Variants in FBXO46 observed in about 807,000 individuals in gnomAD.
The protein encoded by FBXO46 is F-box protein 46.
FBXO46 carries 13 observed loss-of-function variants against 30.7 expected under a neutral mutation model. The ratio of observed to expected loss-of-function variants is 0.42; its 90% CI spans 0.28 to 0.67. The LOEUF (loss-of-function observed/expected upper bound fraction) is 0.67, where lower values mean the gene tolerates loss of function less well. Ranked by LOEUF, FBXO46 falls within the 30% of genes least tolerant of loss-of-function variation. The pLI is 0.21. For synonymous variants in FBXO46, 467 were observed against 385.8 expected, an observed-to-expected ratio of 1.21 and a Z score of -2.47; for missense variants, 754 against 871.5, an observed-to-expected ratio of 0.87 and a Z score of 1.70.
chr19:45,718,143 G>A (rs980452755), intron 1 of FBXO46, among the ~76,000 whole-genome samples: 3 of 152,008 alleles, frequency 2.0e-5, no homozygotes, highest in Non-Finnish European at 4.4e-5. Context: ...CCACTCCTCC[G>A]CCCCGCAGGC....
At chr19:45,731,858 C>T (rs548378985), upstream of FBXO46, among the ~76,000 whole-genome samples, 1 of 151,470 alleles carries the variant, frequency 6.6e-6, no homozygotes, top group East Asian at 2.0e-4. Flanking sequence ...TGGCTCACGC[C>T]TGTAGTCACA....
chr19:45,711,453 A>C lies in FBXO46; in HGVS notation c.*231T>G, dbSNP rs1291615585. 2.9e-5 allele frequency: 20 copies of C among 683,072 alleles called. No individual in the cohort carries two copies. Among genetic ancestry groups the C allele is most frequent in the Admixed American group, 1.7e-4 (8 of 47,226 alleles). The allele number at this position is 683,072 out of a possible 1,614,324, so 42.3% of individuals were successfully genotyped here. On this transcript the variant is annotated 3_prime_UTR_variant, in exon 2 of 2. Coordinates refer to ENST00000317683, the MANE Select transcript of FBXO46 (RefSeq NM_001080469.2). ...AAGTGAGATGCTGATAAAAAAAAAA[A>C]AAACACCCTTCTCAGAGGGTCCACG...
chr19:45,711,939 C>G lies in FBXO46; in HGVS notation c.1557G>C (p.Trp519Cys). The G allele has an allele frequency of 6.2e-7, 1 of 1,613,334 alleles. No homozygotes were observed. The highest frequency in any genetic ancestry group is 8.5e-7 in the Non-Finnish European group (1 of 1,179,804). Residue 519 changes from tryptophan to cysteine, a missense_variant, in exon 2 of 2, where the codon TGG becomes TGC. Trp to Cys is a radical substitution (Grantham distance 215, BLOSUM62 -2). Transcript: ENST00000317683. The stretch of plus-strand genomic sequence containing the variant: ...CATCGCGGTAGAGCGGGTCTCGGCT[C>G]CAGCGCGAGTCTGTGGCCCGCACGC... ...AFGVRATDSR[W>C]SRDPLYRDDP...
chr19:45,731,853 C>T (rs1330674842), upstream of FBXO46, among the ~76,000 whole-genome samples: 5 of 151,440 alleles, frequency 3.3e-5, no homozygotes, highest in Non-Finnish European at 7.4e-5. Context: ...CGCGGTGGCT[C>T]ACGCCTGTAG....
At chr19:45,722,697 G>A (rs1323841745) in intron 1 of FBXO46, among the ~76,000 whole-genome samples, 1 of 151,698 alleles carries the variant, frequency 6.6e-6, no homozygotes, top group African/African-American at 2.4e-5. Flanking sequence ...GGGAGGCGGA[G>A]CTTGCAGTGA....
At chr19:45,715,190 A>G (rs778517610) in intron 1 of FBXO46, 4 of 152,202 alleles carry the variant, frequency 2.6e-5, no homozygotes, top group Non-Finnish European at 2.9e-5. Flanking sequence ...CCTACTAAGT[A>G]ACATATGCCT....
intron 1 of FBXO46, among the ~76,000 whole-genome samples, chr19:45,720,156 C>G (rs899458543): frequency 2.0e-5 from 3 of 152,074 alleles, no homozygotes; most frequent in Middle Eastern, 3.4e-3. Flanking sequence ...CGGAGTCTTG[C>G]TCTGTTGCCC....
chr19:45,724,792 C>T (rs1968216784), intron 1 of FBXO46, among the ~76,000 whole-genome samples: 1 of 152,116 alleles, frequency 6.6e-6, no homozygotes, highest in Admixed American at 6.6e-5. Flanking sequence ...GTAGCTGGGA[C>T]TACAAGCACA....
At chr19:45,714,113 T>TAC (rs1447607548) in intron 1 of FBXO46, among the ~76,000 whole-genome samples, 1 of 151,988 alleles carries the variant, frequency 6.6e-6, no homozygotes, top group Non-Finnish European at 1.5e-5. Flanking sequence ...CCATAGGTCC[T>TAC]ACCCCACTGT....
At position 45,711,656 on chromosome 19, in the gene FBXO46, G is replaced by C. The variant is rs1045304195; in HGVS notation, c.*28C>G. ...GGGGGAGAGGGGAGGGGTGGGCGTGGTGGGCTCTCCCCTCCCCTCCCCCGG... is the reference window on the plus strand; with the variant it reads ...GGGGGAGAGGGGAGGGGTGGGCGTGCTGGGCTCTCCCCTCCCCTCCCCCGG... On this transcript the variant is annotated 3_prime_UTR_variant, in exon 2 of 2. Transcript: ENST00000317683. 1 of 1,500,458 alleles carries C rather than the reference G, an allele frequency of 6.7e-7. No homozygotes were observed. The highest frequency in any genetic ancestry group is 1.4e-5 in the African/African-American group (1 of 72,236). The allele number at this position is 1,500,458 out of a possible 1,614,324, so 92.9% of individuals were successfully genotyped here. A position where few individuals can be genotyped will look rare whatever the true frequency, so the allele number is the denominator to read the frequency against.
intron 1 of FBXO46, chr19:45,717,468 G>A (rs1724252679): frequency 6.6e-6 from 1 of 152,322 alleles, no homozygotes; most frequent in Non-Finnish European, 1.5e-5. Flanking sequence ...GCCCATATAA[G>A]GCAGGCCTTG....
Position 45,720,132 on chromosome 19 carries a change from T to C in FBXO46, c.-78-6559A>G, listed in dbSNP as rs142544272. On this transcript the variant is annotated intron_variant, in intron 1 of 1. Transcript: ENST00000317683. ...CCATCTCAGCTGCCTTCTTTTTTGTTTTTTTTTTTAAGACGGAGTCTTGCT... is the reference window on the plus strand; with the variant it reads ...CCATCTCAGCTGCCTTCTTTTTTGTCTTTTTTTTTAAGACGGAGTCTTGCT... 2.0e-3 allele frequency among the ~76,000 whole-genome samples: 306 copies of C among 150,960 alleles called. 3 individuals carry two copies. The highest frequency in any genetic ancestry group is 7.2e-3 in the African/African-American group (296 of 41,224).
intron 1 of FBXO46, chr19:45,714,344 A>G (rs1968055154): frequency 6.6e-6 from 1 of 152,104 alleles, no homozygotes. Flanking sequence ...CTGAGGTCAG[A>G]TTCAGACAAG....
chr19:45,732,776 A>T (rs191319591), upstream of FBXO46, among the ~76,000 whole-genome samples: 5 of 151,730 alleles, frequency 3.3e-5, no homozygotes, highest in Admixed American at 3.3e-4. Flanking sequence ...TTTTTAGCCG[A>T]GACGGGGTTT....
In FBXO46 at chr19:45,712,831, C is replaced by T. The variant is rs750535117; in HGVS notation, c.665G>A (p.Gly222Glu). The T allele has an allele frequency of 4.3e-6, 7 of 1,612,994 alleles. No homozygotes were observed. The highest frequency in any genetic ancestry group is 5.9e-6 in the Non-Finnish European group (7 of 1,179,636). The change falls in exon 2 of 2, where the codon GGG becomes GAG. Residue 222 changes from glycine to glutamate, a missense_variant. Around this residue, in one of 5 missense-constraint regions of FBXO46, gnomAD observed 454 missense variants for 426.5 expected, o/e 1.06. Coordinates refer to ENST00000317683, the MANE Select transcript of FBXO46 (RefSeq NM_001080469.2). The surrounding 1 kb of genome is among the most constrained non-coding windows in gnomAD (Gnocchi z 8.8). Reference protein sequence around the residue: ...GVGSERRSGGGDCSRVAEAVA... With the variant: ...GVGSERRSGGEDCSRVAEAVA... ...GGCCTCGGCTACACGGCTGCAGTCC[C>T]CACCACCGGACCGCCGTTCAGATCC... is the stretch of plus-strand genomic sequence containing the variant.
chr19:45,722,192 G>C (rs1331146342), intron 1 of FBXO46, among the ~76,000 whole-genome samples: 1 of 152,102 alleles, frequency 6.6e-6, no homozygotes, highest in Non-Finnish European at 1.5e-5. Flanking sequence ...CCCATGGCTT[G>C]TTGGCCTTAG....
Position 45,711,552 on chromosome 19 carries a change from A to C in FBXO46, c.*132T>G. The stretch of plus-strand genomic sequence containing the variant: ...TCCTGGGTCACCCCTGCTGAACCCC[A>C]GCTCAGTTCCGGTGAGGGATCAATG... On this transcript the variant is annotated 3_prime_UTR_variant, in exon 2 of 2. Transcript: ENST00000317683. 1.3e-6 allele frequency: 1 copy of C among 770,230 alleles called. No homozygotes were observed. The highest frequency in any genetic ancestry group is 2.2e-6 in the Non-Finnish European group (1 of 447,580). 47.7% of individuals were successfully genotyped at this position (770,230 alleles called of 1,614,324 possible).
At chr19:45,728,393 C>T (rs1003344500) in intron 1 of FBXO46, among the ~76,000 whole-genome samples, 3 of 152,198 alleles carry the variant, frequency 2.0e-5, no homozygotes, top group Non-Finnish European at 4.4e-5. Flanking sequence ...CATTCAAAAA[C>T]AACAACTCAC....
chr19:45,712,472 C>A lies in FBXO46; in HGVS notation c.1024G>T (p.Ala342Ser), dbSNP rs774314849. 8.7e-6 allele frequency: 14 copies of A among 1,607,378 alleles called. No homozygotes were observed. The highest frequency in any genetic ancestry group is 1.1e-5 in the Non-Finnish European group (13 of 1,176,958). The change falls in exon 2 of 2, where the codon GCC becomes TCC. Residue 342 changes from alanine (A) to serine (S), a missense_variant. Physicochemically the swap from Ala to Ser is moderately conservative, Grantham distance 99. This residue lies in a region of FBXO46 where 454 missense variants were observed against 426.5 expected (regional missense o/e 1.06). Transcript: ENST00000317683. The surrounding 1 kb of genome is among the most constrained non-coding windows in gnomAD (Gnocchi z 8.8). ...EASEGDSPAPARPEDTPPAPP... is the reference protein window; with the variant it reads ...EASEGDSPAPSRPEDTPPAPP... ...GCCGGGGGAGTGTCCTCAGGCCTGG[C>A]GGGTGCCGGGCTGTCACCCTCACTG... is the stretch of plus-strand genomic sequence containing the variant.
Sources: gnomAD v4.1 joint callset for allele counts (sites outside exome capture counted in the v4.1 genomes callset) on GRCh38, gnomAD v4.1.1 for gene constraint, gnomAD v4.1.1 regional missense constraint, Gnocchi (gnomAD v3.1) non-coding constraint, MANE v1.5 for transcripts, NCBI Gene and HGNC (gene_info 2026-07-23, HGNC 2026-07-21) for gene names.